Variants in MYO1H observed in about 807,000 individuals in gnomAD.
The protein encoded by MYO1H is unconventional myosin-Ih.
MYO1H carries 118 observed loss-of-function variants against 149.3 expected under a neutral mutation model. The ratio of observed to expected loss-of-function variants is 0.79; its 90% CI spans 0.68 to 0.92. The LOEUF is 0.92. MYO1H is among the 40% of genes least tolerant of loss of function. The pLI is 0.00. For synonymous variants in MYO1H, 447 were observed against 465.2 expected (o/e 0.96, Z 0.50); for missense variants, 1,212 against 1,280.7 (o/e 0.95, Z 0.82).
rs151047839 is a variant in MYO1H at position 109,414,338 on chromosome 12, G to A, written c.1503-1188G>A. On this transcript the variant is annotated intron_variant, in intron 14 of 31. Coordinates refer to ENST00000310903, the Ensembl canonical transcript of MYO1H. The stretch of plus-strand genomic sequence containing the variant: ...TAAAAATCCAAAAAATTAGCCAGGT[G>A]TGGTGGCTTACGCCTGTAATCCCAG... 1.9e-4 allele frequency among the ~76,000 whole-genome samples: 29 copies of A among 151,684 alleles called. No homozygotes were observed. The East Asian group carries it at 5.5e-3, about 29-fold the overall frequency.
At chr12:109,427,909 A>AATATATATATATATATAT (rs1555254297) in intron 19 of MYO1H, among the ~76,000 whole-genome samples, 24 of 16,414 alleles carry the variant, frequency 1.5e-3, no homozygotes, top group Non-Finnish European at 2.0e-3. Flanking sequence ...AAAAAAAAAA[A>AATATATATATATATATAT]ATATATATAT....
chr12:109,400,778 T>G (rs188856377), intron 5 of MYO1H, among the ~76,000 whole-genome samples: 4 of 152,088 alleles, frequency 2.6e-5, no homozygotes, highest in African/African-American at 9.7e-5. Flanking sequence ...GATATCAACA[T>G]GAATAAAAAG....
At chr12:109,355,674 T>G (rs1226468968) in intron 1 of MYO1H, among the ~76,000 whole-genome samples, 3 of 152,038 alleles carry the variant, frequency 2.0e-5, no homozygotes, top group Non-Finnish European at 4.4e-5. Context: ...TTTTTTGGTT[T>G]GTTTTTGTTT....
the MYO1H span, among the ~76,000 whole-genome samples, chr12:109,322,511 A>G: frequency 6.6e-6 from 1 of 152,124 alleles, no homozygotes; most frequent in Non-Finnish European, 1.5e-5. Flanking sequence ...AAAGCCAAGT[A>G]ATGTTCTTGC....
At chr12:109,436,676 G>A (rs1871875546) in intron 22 of MYO1H, 120 bp downstream of exon 22, 1 of 678,310 alleles carries the variant, frequency 1.5e-6, no homozygotes, top group Admixed American at 2.6e-5. Context: ...TGCTATCTTG[G>A]GGTCCAGTTC....
chr12:109,370,418 G>C (rs1868957063), intron 1 of MYO1H, among the ~76,000 whole-genome samples: 1 of 152,164 alleles, frequency 6.6e-6, no homozygotes, highest in Admixed American at 6.5e-5. Context: ...CCCAGCAGTG[G>C]GATGAGGCTG....
In MYO1H at chr12:109,357,644, CTTGAT is replaced by C. The variant is rs565160750; in HGVS notation, c.12+9675_12+9679del. ...TTCTCATGCCATGAAATACTATTCT[CTTGAT>C]TTTTTTTCTCCCAACCATTTCTCAT... On this transcript the variant is annotated intron_variant, in intron 1 of 31. Coordinates refer to ENST00000310903, the Ensembl canonical transcript of MYO1H. Among the ~76,000 whole-genome samples, 6 of 151,898 alleles carry C rather than the reference CTTGAT, an allele frequency of 4.0e-5. No homozygotes were observed. In the South Asian group the frequency reaches 8.3e-4, roughly 21 times the overall value.
At chr12:109,328,946 G>C in the MYO1H span, among the ~76,000 whole-genome samples, 1 of 151,996 alleles carries the variant, frequency 6.6e-6, no homozygotes, top group African/African-American at 2.4e-5. Flanking sequence ...CATAAAAAGT[G>C]GTAACTGTGT....
At chr12:109,400,215 CAT>C (rs1870103253) in intron 5 of MYO1H, among the ~76,000 whole-genome samples, 1 of 152,180 alleles carries the variant, frequency 6.6e-6, no homozygotes, top group Non-Finnish European at 1.5e-5. Context: ...AGGACCGTGA[CAT>C]ATAGCACTTT....
chr12:109,437,248 C>G (rs924887675), intron 22 of MYO1H, among the ~76,000 whole-genome samples: 1 of 152,156 alleles, frequency 6.6e-6, no homozygotes, highest in Non-Finnish European at 1.5e-5. Context: ...TAACCACTCT[C>G]TTGAATTTTG....
chr12:109,436,507 T>C, exon 22 of MYO1H: 1 of 1,611,214 alleles, frequency 6.2e-7, no homozygotes, highest in Non-Finnish European at 8.5e-7. Context: ...TCCAAGCCAC[T>C]TACAAACGCT....
intron 31 of MYO1H, chr12:109,445,962 A>G (rs1872462767): frequency 1.0e-6 from 1 of 985,444 alleles, no homozygotes; most frequent in Non-Finnish European, 1.2e-6. Flanking sequence ...GTGGAAATCA[A>G]TGCGCTTGTG....
intron 14 of MYO1H, among the ~76,000 whole-genome samples, chr12:109,415,188 A>C (rs1189592557): frequency 1.3e-5 from 2 of 152,108 alleles, no homozygotes; most frequent in Admixed American, 1.3e-4. Flanking sequence ...AGAAAGTTCA[A>C]CTCATGGGCC....
intron 2 of MYO1H, among the ~76,000 whole-genome samples, chr12:109,390,668 T>G (rs1231908173): frequency 1.3e-5 from 2 of 150,512 alleles, no homozygotes; most frequent in African/African-American, 4.9e-5. Flanking sequence ...GTTTGTTTGT[T>G]TTTTTTTTCT....
At chr12:109,441,560 T>C (rs1872129385) in intron 25 of MYO1H, 55 bp from the exon 26 acceptor site, 4 of 1,249,614 alleles carry the variant, frequency 3.2e-6, no homozygotes, top group Non-Finnish European at 4.6e-6. Context: ...AGAGCTCTTC[T>C]ATCCCAAAGA....
intron 16 of MYO1H, among the ~76,000 whole-genome samples, chr12:109,423,052 C>T (rs944989053): frequency 6.6e-6 from 1 of 151,836 alleles, no homozygotes; most frequent in Non-Finnish European, 1.5e-5. Context: ...ATTCATTGCA[C>T]TCCAGCCTGG....
chr12:109,415,461 G>A (rs1016250357), intron 14 of MYO1H, 65 bp from the exon 15 acceptor site: 1 of 1,469,318 alleles, frequency 6.8e-7, no homozygotes, highest in Non-Finnish European at 9.3e-7. Context: ...GGGCAACAGA[G>A]CAAGACGCCA....
At chr12:109,434,900 C>T in intron 20 of MYO1H, 137 bp from the exon 21 acceptor site, 1 of 602,412 alleles carries the variant, frequency 1.7e-6, no homozygotes, top group South Asian at 2.1e-5. Flanking sequence ...ACCTCAATCA[C>T]ATCTGCAAAC....
intron 19 of MYO1H, among the ~76,000 whole-genome samples, chr12:109,431,070 A>G (rs1871594491): frequency 6.8e-6 from 1 of 147,746 alleles, no homozygotes; most frequent in African/African-American, 2.5e-5. Context: ...AAAAAAAAAA[A>G]TCTGATTTTA....
Sources: gnomAD v4.1 joint callset for allele counts (sites outside exome capture counted in the v4.1 genomes callset) on GRCh38, gnomAD v4.1.1 for gene constraint, MANE v1.5 for transcripts, NCBI Gene and HGNC (gene_info 2026-07-23, HGNC 2026-07-21) for gene names.